TSC22D1: variants seen among roughly 807,000 people sequenced by gnomAD.
TSC22D1 encodes TSC22 domain family protein 1.
In TSC22D1, 9 loss-of-function variants were observed where a neutral mutation model predicts 74.2. That is an observed-to-expected ratio of 0.12 (90% CI 0.07 to 0.21). TSC22D1 has a LOEUF of 0.21. TSC22D1 is among the 10% of genes least tolerant of loss of function. The pLI is 1.00. For synonymous variants in TSC22D1, 586 were observed against 492.5 expected (o/e 1.19, Z -2.51); for missense variants, 1,427 against 1,304.7 (o/e 1.09, Z -1.44).
chr13:44,571,321 T>C (rs960967169), intron 1 of TSC22D1, among the ~76,000 whole-genome samples: 2 of 152,214 alleles, frequency 1.3e-5, no homozygotes, highest in African/African-American at 4.8e-5. Context: ...GAAAAATTAA[T>C]TTTATATTAA....
At chr13:44,559,335 C>CA (rs1882884580) in intron 1 of TSC22D1, among the ~76,000 whole-genome samples, 1 of 152,016 alleles carries the variant, frequency 6.6e-6, no homozygotes, top group African/African-American at 2.4e-5. Context: ...AAAAATAAAG[C>CA]AAAAAACATA....
intron 1 of TSC22D1, among the ~76,000 whole-genome samples, chr13:44,519,736 A>G (rs1341798700): frequency 1.3e-5 from 2 of 152,194 alleles, no homozygotes; most frequent in Admixed American, 1.3e-4. Flanking sequence ...TTTCATTAGC[A>G]TAAGGTTATA....
chr13:44,521,331 A>AT (rs1396234151), intron 1 of TSC22D1, among the ~76,000 whole-genome samples: 2 of 152,102 alleles, frequency 1.3e-5, no homozygotes, highest in African/African-American at 4.8e-5. Context: ...ATGGGATTTA[A>AT]TTGTGTATCC....
Position 44,521,615 on chromosome 13 carries a change from C to T in TSC22D1, c.2912+51548G>A, listed in dbSNP as rs113339547. Among the ~76,000 whole-genome samples, 1,146 of 151,620 alleles carry T rather than the reference C, an allele frequency of 7.6e-3. 11 individuals carry two copies. Among genetic ancestry groups the T allele is most frequent in the Non-Finnish European group, 0.011 (773 of 67,962 alleles). On this transcript the variant is annotated intron_variant, in intron 1 of 2. Transcript: ENST00000458659. ...TTTTAATAACAGTTGGCTGTAATCA[C>T]TCCTCGCCATGTCTGGCACTGAAAA...
chr13:44,488,521 G>A (rs1252391034), intron 1 of TSC22D1, among the ~76,000 whole-genome samples: 1 of 152,080 alleles, frequency 6.6e-6, no homozygotes, highest in Non-Finnish European at 1.5e-5. Flanking sequence ...ATTGGATAGT[G>A]CTATCCTAAT....
At chr13:44,483,134 CAG>C (rs929279236) in intron 1 of TSC22D1, among the ~76,000 whole-genome samples, 43 of 152,268 alleles carry the variant, frequency 2.8e-4, no homozygotes, top group Non-Finnish European at 4.4e-4. Context: ...ATGTACGATG[CAG>C]AGTTAGACAT....
At position 44,449,105 on chromosome 13, in the gene TSC22D1, T is replaced by C. The variant is rs539786319; in HGVS notation, c.2913-13010A>G. 3.9e-5 allele frequency among the ~76,000 whole-genome samples: 6 copies of C among 152,344 alleles called. No individual in the cohort carries two copies. The South Asian group carries it at 1.2e-3, about 32-fold the overall frequency. On this transcript the variant is annotated intron_variant, in intron 1 of 2. Transcript: ENST00000458659. ...TCAGGCAGCCTGGCTGCAGGGTTTCTGGGCCTAGTCTAGAGTGGAGCTGGT... is the reference window on the plus strand; with the variant it reads ...TCAGGCAGCCTGGCTGCAGGGTTTCCGGGCCTAGTCTAGAGTGGAGCTGGT...
chr13:44,573,207 C>G lies in TSC22D1; in HGVS notation c.2868G>C (p.Lys956Asn). ...CCAGGGGTGTCGTCAGCGGTAGCAC[C>G]TTCAACGGGAAAAGAGAAGCAGAGG... ...LAASASLFPLKVLPLTTPLVD... is the reference protein window; with the variant it reads ...LAASASLFPLNVLPLTTPLVD... Residue 956 changes from lysine to asparagine, a missense_variant, in exon 1 of 3, where the codon AAG (lysine) becomes AAC (asparagine). Physicochemically the swap from Lys to Asn is moderately conservative, Grantham distance 94 (BLOSUM62 0). Coordinates refer to ENST00000458659, the MANE Select transcript of TSC22D1 (RefSeq NM_183422.4). The G allele has an allele frequency of 6.2e-7, 1 of 1,614,204 alleles. No individual in the cohort carries two copies. The highest frequency in any genetic ancestry group is 8.5e-7 in the Non-Finnish European group (1 of 1,180,040).
chr13:44,553,737 G>A (rs1281736883), intron 1 of TSC22D1, among the ~76,000 whole-genome samples: 1 of 152,136 alleles, frequency 6.6e-6, no homozygotes, highest in East Asian at 1.9e-4. Context: ...ATGTTTTTGT[G>A]AATTTAGGAA....
At chr13:44,514,470 T>C (rs1255383524) in intron 1 of TSC22D1, among the ~76,000 whole-genome samples, 5 of 151,980 alleles carry the variant, frequency 3.3e-5, no homozygotes, top group Non-Finnish European at 5.9e-5. Flanking sequence ...AAACGTTTAC[T>C]ACTCATATCA....
chr13:44,459,236 G>T (rs1876857305), intron 1 of TSC22D1, among the ~76,000 whole-genome samples: 1 of 152,188 alleles, frequency 6.6e-6, no homozygotes, highest in Admixed American at 6.5e-5. Context: ...ACCCACTTGG[G>T]GTCTGCTCGA....
chr13:44,518,393 C>T (rs1230349529), intron 1 of TSC22D1, among the ~76,000 whole-genome samples: 1 of 151,948 alleles, frequency 6.6e-6, no homozygotes, highest in Non-Finnish European at 1.5e-5. Flanking sequence ...ATCTAGCTAG[C>T]AAAGTATCAT....
chr13:44,517,780 CATAT>C (rs1205399224), intron 1 of TSC22D1, among the ~76,000 whole-genome samples: 5 of 110,550 alleles, frequency 4.5e-5, no homozygotes, highest in African/African-American at 6.9e-5. Flanking sequence ...TATATATACA[CATAT>C]ATATACATAT....
At chr13:44,463,570 G>C (rs1282408467) in intron 1 of TSC22D1, among the ~76,000 whole-genome samples, 1 of 152,150 alleles carries the variant, frequency 6.6e-6, no homozygotes, top group Non-Finnish European at 1.5e-5. Context: ...TTTGCATAAA[G>C]AGAACAGTTC....
intron 1 of TSC22D1, among the ~76,000 whole-genome samples, chr13:44,505,253 C>T (rs1019650049): frequency 1.3e-5 from 2 of 152,056 alleles, no homozygotes; most frequent in African/African-American, 4.8e-5. Flanking sequence ...CAAAGCAAGA[C>T]CTCATCTCCA....
intron 1 of TSC22D1, among the ~76,000 whole-genome samples, chr13:44,521,725 T>C (rs368426438): frequency 1.4e-3 from 206 of 150,868 alleles, no homozygotes; most frequent in African/African-American, 4.2e-3. Flanking sequence ...ACTTCATAAA[T>C]TGACAGCTAT....
At chr13:44,444,741 GAA>G (rs1344758825) in intron 1 of TSC22D1, among the ~76,000 whole-genome samples, 1 of 152,016 alleles carries the variant, frequency 6.6e-6, no homozygotes, top group Non-Finnish European at 1.5e-5. Context: ...GGAAGATTAG[GAA>G]ATATTCTGAA....
chr13:44,455,842 C>T (rs552065422), intron 1 of TSC22D1, among the ~76,000 whole-genome samples: 9 of 152,134 alleles, frequency 5.9e-5, no homozygotes, highest in African/African-American at 2.2e-4. Flanking sequence ...GTTTTAAATG[C>T]ATAAGGATAG....
intron 1 of TSC22D1, among the ~76,000 whole-genome samples, chr13:44,534,233 A>G (rs1433394518): frequency 8.6e-6 from 1 of 116,694 alleles, no homozygotes; most frequent in African/African-American, 3.1e-5. Flanking sequence ...CTCAAGGAGA[A>G]AAAAAAAAAA....
Sources: allele counts gnomAD v4.1 joint callset (sites outside exome capture counted in the v4.1 genomes callset), GRCh38; gene constraint gnomAD v4.1.1; transcripts MANE v1.5; gene names NCBI Gene and HGNC (gene_info 2026-07-23, HGNC 2026-07-21).